ADRA1A: variants seen among roughly 807,000 people sequenced by gnomAD.
ADRA1A encodes the protein alpha-1A adrenergic receptor.
Under a neutral mutation model 29.6 loss-of-function variants are expected in ADRA1A, and 31 were observed. The ratio of observed to expected loss-of-function variants is 1.05; its 90% CI spans 0.79 to 1.41. ADRA1A has a LOEUF of 1.41. Among genes scored for constraint, ADRA1A ranks in the 40% most tolerant of loss-of-function variants. The pLI is 0.00. For missense variants in ADRA1A, 619 were observed against 601.1 expected, an observed-to-expected ratio of 1.03 and a Z score of -0.31; for synonymous variants, 311 against 254.3, an observed-to-expected ratio of 1.22 and a Z score of -2.12.
rs1812399952 is a variant in ADRA1A at position 26,848,726 on chromosome 8, G to A, written c.883+15361C>T. On this transcript the variant is annotated intron_variant, in intron 2 of 2. Transcript: ENST00000380573. The surrounding 1 kb of genome is among the most constrained non-coding windows in gnomAD (Gnocchi z 4.3). ...TCACTTCTTCTTTCCTAGGAAAAGA[G>A]TCATTAAACTCTACACGTTTCACAC... is the stretch of plus-strand genomic sequence containing the variant. Among the ~76,000 whole-genome samples the A allele has an allele frequency of 6.6e-6, 1 of 152,172 alleles. No homozygotes were observed. Among genetic ancestry groups the A allele is most frequent in the Non-Finnish European group, 1.5e-5 (1 of 68,042 alleles).
At chr8:26,781,356 C>G (rs999569196) in intron 2 of ADRA1A, among the ~76,000 whole-genome samples, 1 of 152,154 alleles carries the variant, frequency 6.6e-6, no homozygotes, top group African/African-American at 2.4e-5. Context: ...AAAGATACAC[C>G]CTCCTTCTTA....
intron 2 of ADRA1A, among the ~76,000 whole-genome samples, chr8:26,862,687 G>A (rs1446991210): frequency 6.6e-6 from 1 of 152,218 alleles, no homozygotes; most frequent in Non-Finnish European, 1.5e-5. Flanking sequence ...ATTAAGGAGG[G>A]CCTCTCTGGC....
At chr8:26,828,754 C>A (rs1810770494) in intron 2 of ADRA1A, among the ~76,000 whole-genome samples, 1 of 151,998 alleles carries the variant, frequency 6.6e-6, no homozygotes, top group African/African-American at 2.4e-5. Flanking sequence ...TATTTCAAGC[C>A]TTTGTGGTCA....
intron 2 of ADRA1A, among the ~76,000 whole-genome samples, chr8:26,816,877 A>G (rs1460125538): frequency 6.6e-6 from 1 of 152,182 alleles, no homozygotes; most frequent in African/African-American, 2.4e-5. Flanking sequence ...ACTAACTCAA[A>G]CATGTCATAG....
intron 2 of ADRA1A, among the ~76,000 whole-genome samples, chr8:26,795,615 C>A (rs1318087356): frequency 1.3e-5 from 2 of 151,964 alleles, no homozygotes; most frequent in Non-Finnish European, 2.9e-5. Flanking sequence ...TAAATTTAGG[C>A]AATTACTATA....
chr8:26,846,676 G>T (rs1013316924), intron 2 of ADRA1A, among the ~76,000 whole-genome samples: 1 of 152,180 alleles, frequency 6.6e-6, no homozygotes, highest in South Asian at 2.1e-4. Context: ...AGAGGCTGAG[G>T]CAGGGCAATC....
chr8:26,773,312 C>T (rs773564679), intron 2 of ADRA1A, among the ~76,000 whole-genome samples: 39 of 152,182 alleles, frequency 2.6e-4, no homozygotes, highest in Non-Finnish European at 5.0e-4. Context: ...TTTTTCGAAC[C>T]TCATCTGTGA....
rs148722784 is a variant in ADRA1A at position 26,807,422 on chromosome 8, T to A, written c.884-36756A>T. Among the ~76,000 whole-genome samples, 958 of 152,284 alleles carry A rather than the reference T, an allele frequency of 6.3e-3. 3 individuals carry two copies. Among genetic ancestry groups the A allele is most frequent in the Non-Finnish European group, 0.011 (722 of 68,016 alleles). On this transcript the variant is annotated intron_variant, in intron 2 of 2. Transcript: ENST00000380573. ...GCACCACTAAGTTAGAAAGAGTGTA[T>A]GAGAACTGGAGGGAACCCCTCTGCT...
At chr8:26,760,967 A>T (rs1213038778), downstream of ADRA1A, among the ~76,000 whole-genome samples, 2 of 152,042 alleles carry the variant, frequency 1.3e-5, no homozygotes, top group Non-Finnish European at 2.9e-5. Flanking sequence ...GCTATCTGTA[A>T]CTAGTGGTTG....
intron 2 of ADRA1A, among the ~76,000 whole-genome samples, chr8:26,751,232 C>A (rs1474601382): frequency 6.6e-6 from 1 of 152,166 alleles, no homozygotes; most frequent in Non-Finnish European, 1.5e-5. Flanking sequence ...GTTTAGTTTA[C>A]CATGTGCAGA....
chr8:26,786,891 T>C (rs1807435898), intron 2 of ADRA1A, among the ~76,000 whole-genome samples: 1 of 130,660 alleles, frequency 7.7e-6, no homozygotes, highest in African/African-American at 3.1e-5. Context: ...GATTTGTGCC[T>C]GGTACATTGT....
At chr8:26,819,271 CA>C (rs991194886) in intron 2 of ADRA1A, among the ~76,000 whole-genome samples, 1 of 152,136 alleles carries the variant, frequency 6.6e-6, no homozygotes, top group African/African-American at 2.4e-5. Flanking sequence ...GGGAATTCTT[CA>C]CCATGAAACT....
chr8:26,814,875 T>G (rs1809654346), intron 2 of ADRA1A, among the ~76,000 whole-genome samples: 1 of 152,204 alleles, frequency 6.6e-6, no homozygotes, highest in Non-Finnish European at 1.5e-5. Flanking sequence ...AAGAAGTCCT[T>G]TAAAATTAAA....
At chr8:26,765,899 T>C (rs1272806472), downstream of ADRA1A, 17 of 1,426,374 alleles carry the variant, frequency 1.2e-5, no homozygotes, top group Non-Finnish European at 1.6e-5. Context: ...TAAAATGTTC[T>C]CACTACCAGG....
chr8:26,768,759 T>A (rs1805930982), downstream of ADRA1A: 5 of 382,290 alleles, frequency 1.3e-5, no homozygotes, highest in Non-Finnish European at 1.8e-5. Context: ...AAATCTGTAA[T>A]CTGAAACACT....
chr8:26,776,362 C>G (rs1806548402), intron 2 of ADRA1A, among the ~76,000 whole-genome samples: 1 of 152,194 alleles, frequency 6.6e-6, no homozygotes, highest in Non-Finnish European at 1.5e-5. Context: ...CATTTTACCC[C>G]CTGGAAAACT....
At chr8:26,784,747 A>G (rs983826345) in intron 2 of ADRA1A, among the ~76,000 whole-genome samples, 6 of 152,178 alleles carry the variant, frequency 3.9e-5, no homozygotes, top group African/African-American at 1.4e-4. Flanking sequence ...TAAGTTTTTC[A>G]TAAGGCTTAT....
chr8:26,759,065 T>C (rs1805362894), intron 2 of ADRA1A, among the ~76,000 whole-genome samples: 1 of 152,236 alleles, frequency 6.6e-6, no homozygotes, highest in South Asian at 2.1e-4. Flanking sequence ...TTGTCAGGAA[T>C]ATTGGATTAA....
At chr8:26,760,107 A>T (rs1805422643) in intron 2 of ADRA1A, among the ~76,000 whole-genome samples, 1 of 152,234 alleles carries the variant, frequency 6.6e-6, no homozygotes, top group Non-Finnish European at 1.5e-5. Context: ...AACAGTCCTG[A>T]TTCTTCCAAA....
Sources: gnomAD v4.1 joint callset for allele counts (sites outside exome capture counted in the v4.1 genomes callset) on GRCh38, gnomAD v4.1.1 for gene constraint, Gnocchi (gnomAD v3.1) non-coding constraint, MANE v1.5 for transcripts, NCBI Gene and HGNC (gene_info 2026-07-23, HGNC 2026-07-21) for gene names.